The following HDAC6 variants were observed in gnomAD, a reference collection of about 807,000 sequenced individuals.
The protein encoded by HDAC6 is histone deacetylase 6.
In HDAC6, 5 loss-of-function variants were observed where a neutral mutation model predicts 88.9. The observed-to-expected ratio is 0.06, with a 90% CI of 0.03 to 0.12. The LOEUF (loss-of-function observed/expected upper bound fraction) is 0.12. HDAC6 is among the 10% of genes least tolerant of loss of function. HDAC6 has a pLI of 1.00. For missense variants in HDAC6, 706 were observed against 1,014.4 expected, an observed-to-expected ratio of 0.70 and a Z score of 4.13; for synonymous variants, 378 against 398.0, an observed-to-expected ratio of 0.95 and a Z score of 0.60.
chrX:48,818,501 CT>C (rs1413913849), intron 22 of HDAC6, 89 bp downstream of exon 22: 6 of 773,942 alleles, frequency 7.8e-6, no homozygotes, highest in Non-Finnish European at 1.1e-5. Context: ...GTGTGTGTGA[CT>C]ACCATGTGGC....
Position 48,822,985 on chromosome X carries a change from G to A in HDAC6, c.2586G>A (p.Arg862=), listed in dbSNP as rs2063108911. The A allele has an allele frequency of 8.3e-7, 1 of 1,208,499 alleles. No individual in the cohort carries two copies. Among genetic ancestry groups the A allele is most frequent in the African/African-American group, 1.8e-5 (1 of 57,095 alleles). Residue 862 remains arginine (R), a synonymous_variant, in exon 25 of 29, where the codon AGG becomes AGA. Coordinates refer to ENST00000334136, the MANE Select transcript of HDAC6 (RefSeq NM_006044.4). ...AGGCACCCCAACCAGCCAAACCTAG[G>A]TTAGCTGAGCGGATGACCACACGAG... The part of the protein sequence containing the change: ...TKKAPQPAKP[R]LAERMTTREK...
upstream of HDAC6, chrX:48,802,000 C>T (rs2062733058): frequency 7.3e-6 from 7 of 958,462 alleles, no homozygotes; most frequent in East Asian, 3.9e-4. Context: ...CGACCGAAGG[C>T]GGCTAGGGAC....
chrX:48,803,387 T>G (rs1287115869), intron 4 of HDAC6, 171 bp downstream of exon 4: 3 of 443,349 alleles, frequency 6.8e-6, no homozygotes, highest in Non-Finnish European at 7.9e-6. Context: ...AAACATTTAT[T>G]GAGTGCCTAT....
chrX:48,824,652 G>A lies in HDAC6; in HGVS notation c.*40G>A, dbSNP rs1262196013. The A allele has an allele frequency of 1.8e-5, 21 of 1,196,266 alleles. No individual in the cohort carries two copies. Among genetic ancestry groups the A allele is most frequent in the Non-Finnish European group, 2.3e-5 (20 of 886,587 alleles). ...TCCCTCTTCACCTTCTGAGGCCCAC[G>A]ATAGACCAGCTGTAGCTCATTCCAG... On this transcript the variant is annotated 3_prime_UTR_variant, in exon 29 of 29. Transcript: ENST00000334136.
At chrX:48,812,207 C>A (rs1298127472) in intron 10 of HDAC6, among the ~76,000 whole-genome samples, 7 of 112,461 alleles carry the variant, frequency 6.2e-5, no homozygotes, top group Non-Finnish European at 1.3e-4. Flanking sequence ...ATGTGAAACA[C>A]TGTGAATATA....
Position 48,820,180 on chromosome X carries a change from G to T in HDAC6, c.2262G>T (p.Val754=). Residue 754 remains valine (V), a synonymous_variant, in exon 23 of 29, where the codon GTG becomes GTT. Transcript: ENST00000334136. Reference sequence around the variant, plus strand: ...GGGATCCGCTGGGGGGCTGCCAGGTGTCACCTGAGGGTTATGCCCACCTCA... The same window carrying T: ...GGGATCCGCTGGGGGGCTGCCAGGTTTCACCTGAGGGTTATGCCCACCTCA... ...ARGDPLGGCQ[V]SPEGYAHLTH... 8.3e-7 allele frequency: 1 copy of T among 1,210,569 alleles called. No homozygotes were observed. The highest frequency in any genetic ancestry group is 1.1e-6 in the Non-Finnish European group (1 of 894,508).
rs782045023 is a variant in HDAC6, at chrX:48,815,958, C to G, written c.1399C>G (p.Pro467Ala). Residue 467 changes from proline (P) to alanine (A), a missense_variant, in exon 17 of 29, where the codon CCT (proline) becomes GCT (alanine). By Grantham distance (27) the Pro-to-Ala change is conservative. Around this residue, in one of 9 missense-constraint regions of HDAC6, gnomAD observed 106 missense variants for 135.1 expected, o/e 0.78. Transcript: ENST00000334136. ...CGAGGAGGAAGGACCCTGGGAGCCC[C>G]CTGTGCTCCCAATCCTGACATGGCC... ...ESEEEGPWEP[P>A]VLPILTWPVL... 5 of 1,205,995 alleles carry G rather than the reference C, an allele frequency of 4.1e-6. No individual in the cohort carries two copies. The East Asian group carries it at 1.5e-4, about 36-fold the overall frequency.
Position 48,808,288 on chromosome X carries a change from C to T in HDAC6, c.768C>T (p.His256=), listed in dbSNP as rs782624104. The change falls in exon 10 of 29, where the codon CAC becomes CAT. Residue 256 remains histidine, a synonymous_variant. Coordinates refer to ENST00000334136, the MANE Select transcript of HDAC6 (RefSeq NM_006044.4). ...TTATCGTAGATTGGGATGTGCACCA[C>T]GGTCAAGGAACACAGTTCACCTTCG... is the stretch of plus-strand genomic sequence containing the variant. ...RVLIVDWDVH[H]GQGTQFTFDQ... is the part of the protein sequence containing the mutation. The T allele has an allele frequency of 1.3e-5, 16 of 1,205,681 alleles. No individual in the cohort carries two copies. Among genetic ancestry groups the T allele is most frequent in the African/African-American group, 1.8e-5 (1 of 56,844 alleles).
At chrX:48,808,635 T>C (rs2062854799) in intron 10 of HDAC6, among the ~76,000 whole-genome samples, 1 of 112,469 alleles carries the variant, frequency 8.9e-6, no homozygotes, top group South Asian at 3.6e-4. Context: ...GATTAACCGT[T>C]GGGTTAGAGT....
chrX:48,814,932 G>A (rs1557026974), intron 13 of HDAC6, 30 bp from the exon 14 acceptor site: 1 of 1,209,809 alleles, frequency 8.3e-7, no homozygotes, highest in South Asian at 1.8e-5. Flanking sequence ...GGGTTGCATG[G>A]AGCCAGGCTG....
chrX:48,816,547 A>G lies in HDAC6; in HGVS notation c.1705A>G (p.Ile569Val). The G allele has an allele frequency of 8.3e-7, 1 of 1,210,543 alleles. No individual in the cohort carries two copies. The highest frequency in any genetic ancestry group is 1.1e-6 in the Non-Finnish European group (1 of 894,783). Residue 569 changes from isoleucine (I) to valine (V), a missense_variant, in exon 19 of 29, where the codon ATC becomes GTC. Coordinates refer to ENST00000334136, the MANE Select transcript of HDAC6 (RefSeq NM_006044.4). ...LHRESSNFDS[I>V]YICPSTFACA... is the part of the protein sequence containing the mutation. ...CCGTGAGAGTTCCAACTTTGACTCC[A>G]TCTATATCTGCCCCAGTACCTTCGC...
At chrX:48,818,165 G>C in intron 21 of HDAC6, 55 bp from the exon 22 acceptor site, 1 of 1,170,172 alleles carries the variant, frequency 8.5e-7, no homozygotes, top group Non-Finnish European at 1.1e-6. Context: ...GAGCACCTCA[G>C]GGGTACTGGA....
chrX:48,814,794 G>A (rs782798063), intron 12 of HDAC6, 40 bp from the exon 13 acceptor site: 1 of 1,209,336 alleles, frequency 8.3e-7, no homozygotes, highest in South Asian at 1.8e-5. Context: ...AGGTTAGGCT[G>A]TGAGGGTAGG....
intron 10 of HDAC6, among the ~76,000 whole-genome samples, chrX:48,808,751 A>T (rs2062856870): frequency 8.9e-6 from 1 of 112,630 alleles, no homozygotes; most frequent in African/African-American, 3.2e-5. Flanking sequence ...AATAAATAAC[A>T]AACTATTTGT....
At chrX:48,806,275 A>T (rs2062815582) in intron 6 of HDAC6, 93 bp from the exon 7 acceptor site, 1 of 548,752 alleles carries the variant, frequency 1.8e-6, no homozygotes, top group African/African-American at 2.3e-5. Flanking sequence ...CAGTTGGGGG[A>T]GCCAAGCCCT....
intron 1 of HDAC6, 89 bp from the exon 2 acceptor site, chrX:48,802,573 AG>A: frequency 8.7e-7 from 1 of 1,146,118 alleles, no homozygotes; most frequent in Non-Finnish European, 1.2e-6. Flanking sequence ...AATCTAATAG[AG>A]GGGGCGGAGC....
chrX:48,820,828 G>T (rs781993404), intron 23 of HDAC6, among the ~76,000 whole-genome samples: 21 of 110,672 alleles, frequency 1.9e-4, no homozygotes, highest in African/African-American at 2.6e-4. Flanking sequence ...CTGGTTTTTT[G>T]TTGTTGTTGT....
chrX:48,812,193 A>G (rs1490985863), intron 10 of HDAC6, among the ~76,000 whole-genome samples: 1 of 112,665 alleles, frequency 8.9e-6, no homozygotes, highest in Non-Finnish European at 1.9e-5. Context: ...GATTACACAC[A>G]CAGATGTGAA....
At chrX:48,803,440 CAG>C (rs2062761163) in intron 4 of HDAC6, 3 of 401,758 alleles carry the variant, frequency 7.5e-6, no homozygotes, top group Admixed American at 8.4e-5. Flanking sequence ...AAACAACAGA[CAG>C]GGGTCCTTCT....
Sources: allele counts gnomAD v4.1 joint callset (sites outside exome capture counted in the v4.1 genomes callset), GRCh38; gene constraint gnomAD v4.1.1; regional missense constraint gnomAD v4.1.1; transcripts MANE v1.5; gene names NCBI Gene and HGNC (gene_info 2026-07-23, HGNC 2026-07-21).